CDNF: variants seen among roughly 807,000 people sequenced by gnomAD.
CDNF encodes the protein cerebral dopamine neurotrophic factor.
A neutral mutation model predicts 14.8 loss-of-function variants in CDNF; 9 were observed. That is an observed-to-expected ratio of 0.61 (90% CI 0.37 to 1.06). CDNF has a LOEUF of 1.06. Ranked by LOEUF, CDNF falls within the 50% of genes least tolerant of loss-of-function variation. The pLI is 0.01. For synonymous variants in CDNF, 86 were observed against 87.2 expected (o/e 0.99, Z 0.07); for missense variants, 228 against 228.4 (o/e 1.00, Z 0.01).
At chr10:14,827,979 C>T (rs994172584) in intron 2 of CDNF, among the ~76,000 whole-genome samples, 166 bp downstream of exon 2, 1 of 152,114 alleles carries the variant, frequency 6.6e-6, no homozygotes, top group Non-Finnish European at 1.5e-5. Context: ...GATGAAAACA[C>T]GCAGAACTAC....
intron 1 of CDNF, among the ~76,000 whole-genome samples, chr10:14,829,619 GT>G (rs201102760): frequency 6.6e-6 from 1 of 151,896 alleles, no homozygotes; most frequent in Admixed American, 6.6e-5. Context: ...AGTCTTCAGA[GT>G]TTTTTTTGTT....
intron 2 of CDNF, among the ~76,000 whole-genome samples, chr10:14,826,002 A>AAGAAGCAGAAGC (rs879772371): frequency 7.4e-6 from 1 of 134,562 alleles, no homozygotes; most frequent in African/African-American, 3.4e-5. Context: ...GAAGCAGCAG[A>AAGAAGCAGAAGC]AGAAGCAGAA....
At position 14,825,467 on chromosome 10, in the gene CDNF, G is replaced by T; in HGVS notation, c.385+12C>A. On this transcript the variant is annotated intron_variant, in intron 3 of 3. Transcript: ENST00000465530. ...TTGGACCTACTGGGAAAAACACGGGGCTGTGTTATACCATATTTCAGCTCA... is the reference window on the plus strand; with the variant it reads ...TTGGACCTACTGGGAAAAACACGGGTCTGTGTTATACCATATTTCAGCTCA... The T allele has an allele frequency of 1.2e-6, 2 of 1,611,826 alleles. No homozygotes were observed. The highest frequency in any genetic ancestry group is 1.7e-6 in the Non-Finnish European group (2 of 1,178,792).
chr10:14,830,422 C>T (rs1211755716), intron 1 of CDNF, among the ~76,000 whole-genome samples: 1 of 152,180 alleles, frequency 6.6e-6, no homozygotes, highest in African/African-American at 2.4e-5. Context: ...TTTGTTCCAG[C>T]TGGCTCTCAC....
At chr10:14,826,017 A>AAGAAGGAGAAGG (rs1564313213) in intron 2 of CDNF, among the ~76,000 whole-genome samples, 6 of 124,858 alleles carry the variant, frequency 4.8e-5, no homozygotes, top group African/African-American at 1.9e-4. Flanking sequence ...GCAGAAGCAG[A>AAGAAGGAGAAGG]AGAAGAAGAA....
intron 2 of CDNF, among the ~76,000 whole-genome samples, chr10:14,826,327 GGAATCAGAAGCAGCA>G: frequency 6.7e-6 from 1 of 149,818 alleles, no homozygotes; most frequent in Non-Finnish European, 1.5e-5. Flanking sequence ...CAGAAGTGGA[GGAATCAGAAGCAGCA>G]GAAGCAGAAG....
At chr10:14,836,945 A>C (rs923137451) in intron 1 of CDNF, among the ~76,000 whole-genome samples, 7 of 152,224 alleles carry the variant, frequency 4.6e-5, no homozygotes, top group Middle Eastern at 3.4e-3. Flanking sequence ...AAACAAAAAC[A>C]AAAAACAAAA....
chr10:14,823,893 T>C (rs1412179681), intron 3 of CDNF, among the ~76,000 whole-genome samples: 1 of 152,080 alleles, frequency 6.6e-6, no homozygotes, highest in African/African-American at 2.4e-5. Flanking sequence ...TGGAAGCCAA[T>C]AAAAAAGGGA....
chr10:14,835,414 A>G (rs1833878375), intron 1 of CDNF, among the ~76,000 whole-genome samples: 1 of 152,216 alleles, frequency 6.6e-6, no homozygotes, highest in Non-Finnish European at 1.5e-5. Flanking sequence ...ATGACCATGA[A>G]GAGAAGGCAG....
At chr10:14,828,111 A>T (rs1236205946) in intron 2 of CDNF, 34 bp downstream of exon 2, 1 of 1,610,336 alleles carries the variant, frequency 6.2e-7, no homozygotes, top group Non-Finnish European at 8.5e-7. Flanking sequence ...TTCTTCAAGC[A>T]CATGGGGAAA....
At chr10:14,834,389 G>A (rs368387306) in intron 1 of CDNF, 8 of 151,786 alleles carry the variant, frequency 5.3e-5, no homozygotes, top group African/African-American at 1.9e-4. Flanking sequence ...AGTCTCCTAG[G>A]AGCCTCTAAT....
At chr10:14,825,102 C>T (rs572083526) in intron 3 of CDNF, among the ~76,000 whole-genome samples, 2 of 152,084 alleles carry the variant, frequency 1.3e-5, no homozygotes, top group South Asian at 2.1e-4. Flanking sequence ...TATAGCTGCC[C>T]GCCACCACAC....
chr10:14,826,105 AGC>A (rs1564313480), intron 2 of CDNF, among the ~76,000 whole-genome samples: 2 of 123,140 alleles, frequency 1.6e-5, no homozygotes, highest in African/African-American at 7.0e-5. Flanking sequence ...AAGCAGCAGC[AGC>A]AGCAGCAGCA....
chr10:14,825,234 G>C (rs1181633834), intron 3 of CDNF, among the ~76,000 whole-genome samples: 2 of 152,136 alleles, frequency 1.3e-5, no homozygotes, highest in African/African-American at 4.8e-5. Flanking sequence ...GGGATGAAAG[G>C]CCTGAGCCAC....
In CDNF at chr10:14,831,567, C is replaced by CACAT. The variant is rs1418012360; in HGVS notation, c.116-3296_116-3295insATGT. ...ACATATATACACACACACACACACA[C>CACAT]ATATATATATATATATTTTTTTTCA... On this transcript the variant is annotated intron_variant, in intron 1 of 3. Coordinates refer to ENST00000465530, the MANE Select transcript of CDNF (RefSeq NM_001029954.3). Among the ~76,000 whole-genome samples, 6 of 145,756 alleles carry CACAT rather than the reference C, an allele frequency of 4.1e-5. No homozygotes were observed. The East Asian group carries it at 6.1e-4, about 15-fold the overall frequency.
At chr10:14,829,779 G>A (rs1459011373) in intron 1 of CDNF, among the ~76,000 whole-genome samples, 8 of 151,998 alleles carry the variant, frequency 5.3e-5, no homozygotes, top group Non-Finnish European at 1.2e-4. Flanking sequence ...ACAGGCGCTC[G>A]CCACCACACC....
At chr10:14,827,262 C>T (rs372935314) in intron 2 of CDNF, among the ~76,000 whole-genome samples, 25 of 151,756 alleles carry the variant, frequency 1.6e-4, no homozygotes, top group African/African-American at 5.6e-4. Context: ...CTTAATGATA[C>T]GGATAAATGG....
At chr10:14,827,327 A>G (rs1281024208) in intron 2 of CDNF, among the ~76,000 whole-genome samples, 1 of 152,170 alleles carries the variant, frequency 6.6e-6, no homozygotes, top group Non-Finnish European at 1.5e-5. Flanking sequence ...TGTAACTGAC[A>G]ATCTGACAAT....
chr10:14,821,489 A>G (rs1042051866), intron 3 of CDNF, among the ~76,000 whole-genome samples: 1 of 152,208 alleles, frequency 6.6e-6, no homozygotes, highest in African/African-American at 2.4e-5. Context: ...ATTAAGTATT[A>G]TAAGTAATCT....
Sources: allele counts gnomAD v4.1 joint callset (sites outside exome capture counted in the v4.1 genomes callset), GRCh38; gene constraint gnomAD v4.1.1; transcripts MANE v1.5; gene names NCBI Gene and HGNC (gene_info 2026-07-23, HGNC 2026-07-21).